TENM4: variants seen among roughly 807,000 people sequenced by gnomAD.
TENM4 encodes teneurin-4.
In TENM4, 82 loss-of-function variants were observed where a neutral mutation model predicts 243.3. That is an observed-to-expected ratio of 0.34 (90% confidence interval 0.28 to 0.40). The LOEUF is 0.40. Ranked by LOEUF, TENM4 falls within the 10% of genes least tolerant of loss-of-function variation. TENM4 has a pLI of 1.00. For missense variants in TENM4, 3,138 were observed against 3,673.3 expected, an observed-to-expected ratio of 0.85 and a Z score of 3.77; for synonymous variants, 1,412 against 1,456.3, an observed-to-expected ratio of 0.97 and a Z score of 0.69.
At chr11:79,250,708 A>C (rs1464316034) in intron 2 of TENM4, among the ~76,000 whole-genome samples, 2 of 152,220 alleles carry the variant, frequency 1.3e-5, no homozygotes, top group Admixed American at 1.3e-4. Flanking sequence ...TAATCATCCC[A>C]TGCTTCTAGT....
chr11:78,954,932 C>T (rs1857178234), intron 6 of TENM4, among the ~76,000 whole-genome samples: 1 of 152,218 alleles, frequency 6.6e-6, no homozygotes, highest in African/African-American at 2.4e-5. Flanking sequence ...TGCAAGGTGA[C>T]ACAGCAGGCT....
intron 3 of TENM4, among the ~76,000 whole-genome samples, chr11:79,171,828 T>A (rs1863051712): frequency 6.6e-6 from 1 of 152,218 alleles, no homozygotes; most frequent in African/African-American, 2.4e-5. Flanking sequence ...CATTTACTGT[T>A]TTTCACATTT....
At chr11:78,834,358 C>A (rs1341224590) in intron 12 of TENM4, among the ~76,000 whole-genome samples, 1 of 151,878 alleles carries the variant, frequency 6.6e-6, no homozygotes, top group East Asian at 1.9e-4. Flanking sequence ...CCTTTGAGTT[C>A]TTTTGTTTTC....
intron 1 of TENM4, among the ~76,000 whole-genome samples, chr11:79,424,668 C>T (rs1408823353): frequency 4.7e-5 from 7 of 150,320 alleles, no homozygotes; most frequent in African/African-American, 1.7e-4. Context: ...GGCACAGAGG[C>T]TCACGCCTGT....
At chr11:79,179,478 G>A (rs979473818) in intron 3 of TENM4, among the ~76,000 whole-genome samples, 1 of 152,260 alleles carries the variant, frequency 6.6e-6, no homozygotes, top group Non-Finnish European at 1.5e-5. Context: ...CTAATAAACT[G>A]TTTTAGATAA....
chr11:78,853,670 G>A (rs897628970), intron 12 of TENM4, among the ~76,000 whole-genome samples: 7 of 152,116 alleles, frequency 4.6e-5, no homozygotes, highest in Non-Finnish European at 1.0e-4. Context: ...TTTCTCATTG[G>A]CCAGGGGTTG....
intron 4 of TENM4, among the ~76,000 whole-genome samples, chr11:79,145,568 T>G (rs1862381807): frequency 6.6e-6 from 1 of 152,132 alleles, no homozygotes; most frequent in African/African-American, 2.4e-5. Flanking sequence ...TATTCCACTA[T>G]GTGAATATGC....
intron 22 of TENM4, among the ~76,000 whole-genome samples, chr11:78,728,114 G>C (rs184385167): frequency 6.6e-6 from 1 of 152,140 alleles, no homozygotes; most frequent in Admixed American, 6.5e-5. Flanking sequence ...AGGTTATAAG[G>C]CCTCATTTTA....
chr11:79,114,275 C>T (rs887112050), intron 4 of TENM4, among the ~76,000 whole-genome samples: 4 of 152,102 alleles, frequency 2.6e-5, no homozygotes, highest in African/African-American at 7.2e-5. Context: ...AAAAAATAAA[C>T]TTGGAAAGAC....
rs1565425454 is a variant in TENM4, at chr11:78,890,054, G to A, written c.849-34C>T. On this transcript the variant is annotated intron_variant, in intron 8 of 33. Coordinates refer to ENST00000278550, the MANE Select transcript of TENM4 (RefSeq NM_001098816.3). ...GGAGAGCAGCAAGAGGGTGTCAGGG[G>A]CTGCCCACAGACCAGGCACCCAGAC... 6 of 1,493,976 alleles carry A rather than the reference G, an allele frequency of 4.0e-6. No individual in the cohort carries two copies. The African/African-American group carries it at 8.3e-5, about 21-fold the overall frequency. The allele number at this position is 1,493,976 out of a possible 1,614,324, so 92.5% of individuals were successfully genotyped here.
Position 79,017,339 on chromosome 11 carries a change from T to C in TENM4, c.493+47399A>G, listed in dbSNP as rs187981327. ...TCTGCTTTTACATTTCTGCAGGGCT[T>C]TTCCAGGGAAGAAATGGCCTTGTTC... On this transcript the variant is annotated intron_variant, in intron 6 of 33. Transcript: ENST00000278550. Among the ~76,000 whole-genome samples the C allele has an allele frequency of 1.4e-3, 210 of 152,250 alleles. 1 individual carries two copies. The highest frequency in any genetic ancestry group is 4.7e-3 in the African/African-American group (197 of 41,564).
At chr11:79,001,182 G>A (rs565203057) in intron 6 of TENM4, among the ~76,000 whole-genome samples, 2 of 152,322 alleles carry the variant, frequency 1.3e-5, no homozygotes, top group African/African-American at 4.8e-5. Context: ...ACTTTAGATT[G>A]TAAGACACAA....
chr11:78,961,735 A>T (rs1857326528), intron 6 of TENM4, among the ~76,000 whole-genome samples: 1 of 151,698 alleles, frequency 6.6e-6, no homozygotes, highest in South Asian at 2.1e-4. Context: ...TGCCTGGCAC[A>T]GTCCCTGGCA....
chr11:78,689,256 C>T lies in TENM4; in HGVS notation c.5088-1030G>A, dbSNP rs747437984. ...TGAACATTTCTGTACCGTCCATTTG[C>T]AAGTATTCAACACATGCGCTCCTCC... is the stretch of plus-strand genomic sequence containing the variant. On this transcript the variant is annotated intron_variant, in intron 28 of 33. Coordinates refer to ENST00000278550, the MANE Select transcript of TENM4 (RefSeq NM_001098816.3). Among the ~76,000 whole-genome samples the T allele has an allele frequency of 2.0e-5, 3 of 152,198 alleles. No homozygotes were observed. In the South Asian group the frequency reaches 6.2e-4, roughly 32 times the overall value.
chr11:79,294,226 A>C (rs1232530754), intron 2 of TENM4, among the ~76,000 whole-genome samples: 1 of 152,226 alleles, frequency 6.6e-6, no homozygotes, highest in Non-Finnish European at 1.5e-5. Flanking sequence ...ACTAATGACC[A>C]CTATGATTTG....
intron 1 of TENM4, among the ~76,000 whole-genome samples, chr11:79,365,144 C>T (rs1478297073): frequency 6.6e-6 from 1 of 152,192 alleles, no homozygotes; most frequent in Non-Finnish European, 1.5e-5. Flanking sequence ...TTTCCAACTC[C>T]TGGCACTAAA....
chr11:78,723,073 G>T (rs1182010063), intron 23 of TENM4, among the ~76,000 whole-genome samples, 156 bp from the exon 24 acceptor site: 1 of 152,176 alleles, frequency 6.6e-6, no homozygotes, highest in African/African-American at 2.4e-5. Flanking sequence ...CCCCCCAATG[G>T]AACCCAGATT....
chr11:78,691,483 C>T (rs1858822466), intron 28 of TENM4, among the ~76,000 whole-genome samples: 1 of 152,210 alleles, frequency 6.6e-6, no homozygotes, highest in African/African-American at 2.4e-5. Context: ...ACAGTAGGTA[C>T]ATGATAAACA....
chr11:78,734,097 C>T lies in TENM4; in HGVS notation c.2877-1520G>A, dbSNP rs187739356. 2.8e-3 allele frequency among the ~76,000 whole-genome samples: 433 copies of T among 152,210 alleles called. 3 individuals carry two copies. Among genetic ancestry groups the T allele is most frequent in the African/African-American group, 1.0e-2 (414 of 41,528 alleles). The stretch of plus-strand genomic sequence containing the variant: ...ATCCCAGCTACTTGGGAGGCTGAGG[C>T]AGGAGAATGGCTTGAACCTGGGAGG... On this transcript the variant is annotated intron_variant, in intron 20 of 33. Transcript: ENST00000278550.
Sources: allele counts gnomAD v4.1 joint callset (sites outside exome capture counted in the v4.1 genomes callset), GRCh38; gene constraint gnomAD v4.1.1; transcripts MANE v1.5; gene names NCBI Gene and HGNC (gene_info 2026-07-23, HGNC 2026-07-21).